WDPCP: variants seen among roughly 807,000 people sequenced by gnomAD.
WDPCP encodes WD repeat-containing and planar cell polarity effector protein fritz homolog.
In WDPCP, 71 loss-of-function variants were observed where a neutral mutation model predicts 93.1. That is an observed-to-expected ratio of 0.76 (90% CI 0.63 to 0.93). WDPCP has a LOEUF of 0.93. Ranked by LOEUF, WDPCP falls within the 40% of genes least tolerant of loss-of-function variation. The probability of loss-of-function intolerance (pLI) is 0.00; values close to 1 mark genes in which losing one functional copy is unlikely to be tolerated. For missense variants in WDPCP, 844 were observed against 887.4 expected (o/e 0.95, Z 0.62); for synonymous variants, 315 against 315.0 (o/e 1.00, Z 0.00).
intron 9 of WDPCP, among the ~76,000 whole-genome samples, chr2:63,422,608 ATTAC>A (rs1695951159): frequency 6.6e-6 from 1 of 152,144 alleles, no homozygotes; most frequent in African/African-American, 2.4e-5. Flanking sequence ...TAATTATAAT[ATTAC>A]CATTTTGCAA....
At chr2:63,508,998 C>A (rs1702057357) in intron 1 of WDPCP, among the ~76,000 whole-genome samples, 1 of 152,120 alleles carries the variant, frequency 6.6e-6, no homozygotes, top group African/African-American at 2.4e-5. Flanking sequence ...ACTTTAACAT[C>A]CCACTGTCAA....
chr2:63,703,953 G>C (rs1397465434), intron 2 of WDPCP, among the ~76,000 whole-genome samples: 3 of 152,120 alleles, frequency 2.0e-5, no homozygotes, highest in Admixed American at 6.5e-5. Context: ...TCTTCCATTT[G>C]TTTGTATCCT....
chr2:63,430,020 CACA>C (rs1558623801), intron 9 of WDPCP, among the ~76,000 whole-genome samples: 14 of 135,526 alleles, frequency 1.0e-4, no homozygotes, highest in African/African-American at 4.0e-4. Context: ...CACACACACA[CACA>C]CCATGAAATA....
intron 10 of WDPCP, among the ~76,000 whole-genome samples, chr2:63,389,317 A>T (rs560048521): frequency 6.6e-6 from 1 of 152,348 alleles, no homozygotes; most frequent in South Asian, 2.1e-4. Flanking sequence ...TAAGTGAAAA[A>T]GAAATAAAAT....
At chr2:63,801,415 G>A (rs1307431956) in intron 2 of WDPCP, among the ~76,000 whole-genome samples, 1 of 152,174 alleles carries the variant, frequency 6.6e-6, no homozygotes, top group Admixed American at 6.5e-5. Context: ...AAAGGTGGTA[G>A]GGAGGCAAAG....
At chr2:63,702,747 T>A (rs1303926616) in intron 2 of WDPCP, among the ~76,000 whole-genome samples, 2 of 151,554 alleles carry the variant, frequency 1.3e-5, no homozygotes, top group African/African-American at 2.4e-5. Flanking sequence ...ATACTTTAAG[T>A]TTTAGGGTAC....
chr2:63,555,456 C>A (rs555813367), intron 1 of WDPCP, among the ~76,000 whole-genome samples: 17 of 152,352 alleles, frequency 1.1e-4, no homozygotes, highest in Non-Finnish European at 1.6e-4. Flanking sequence ...AGTGGGATTC[C>A]CCCCAGTGCA....
Position 63,709,172 on chromosome 2 carries a change from G to A in WDPCP, n.309-58334C>T, listed in dbSNP as rs112059935. 7.5e-4 allele frequency among the ~76,000 whole-genome samples: 92 copies of A among 122,886 alleles called. 1 individual carries two copies. The highest frequency in any genetic ancestry group is 1.1e-3 in the East Asian group (5 of 4,664). 80.6% of individuals were successfully genotyped at this position (122,886 alleles called of 152,430 possible). On this transcript the variant is annotated intron_variant and non_coding_transcript_variant, in intron 2 of 4. Transcript: ENST00000467687. ...CACTTGAACCCTGGAGGTGTGACCC[G>A]GGCTTGGTGATGTATGCCTGTAATC... is the stretch of plus-strand genomic sequence containing the variant.
chr2:63,274,625 T>C (rs1682937005), intron 13 of WDPCP, among the ~76,000 whole-genome samples: 1 of 151,978 alleles, frequency 6.6e-6, no homozygotes, highest in Admixed American at 6.6e-5. Context: ...AAGGAGACAT[T>C]ACAACTGATA....
chr2:63,397,230 G>A (rs1693804649), intron 10 of WDPCP, among the ~76,000 whole-genome samples: 1 of 152,170 alleles, frequency 6.6e-6, no homozygotes, highest in Non-Finnish European at 1.5e-5. Flanking sequence ...ATAGGATTTG[G>A]TCACTAATTG....
rs1669521004 is a variant in WDPCP, at chr2:63,121,060, TAGAGCAATGTTA to T, written c.*934_*945del. ...ATGGATTCTCTGAGCCCTATTCCTA[TAGAGCAATGTTA>T]AGAGGGCTAGATGACACCTGCACAC... is the stretch of plus-strand genomic sequence containing the variant. On this transcript the variant is annotated 3_prime_UTR_variant, in exon 18 of 18. Transcript: ENST00000272321. 1.3e-5 allele frequency among the ~76,000 whole-genome samples: 2 copies of T among 152,200 alleles called. No homozygotes were observed. The highest frequency in any genetic ancestry group is 2.1e-4 in the South Asian group (1 of 4,820).
chr2:63,795,626 AAG>A (rs1229578624), intron 2 of WDPCP, among the ~76,000 whole-genome samples: 1 of 152,128 alleles, frequency 6.6e-6, no homozygotes, highest in Non-Finnish European at 1.5e-5. Flanking sequence ...AAGAGAAAGA[AAG>A]AAAAACACTG....
rs148657781 is a variant in WDPCP, at chr2:63,285,099, G to A, written c.1813-25690C>T. On this transcript the variant is annotated intron_variant, in intron 13 of 17. Coordinates refer to ENST00000272321, the MANE Select transcript of WDPCP (RefSeq NM_015910.7). ...AAAAATGAAATGACAGGTTTAAATC[G>A]AAATACATAATTACATTAAATGAAG... Among the ~76,000 whole-genome samples, 28 of 152,238 alleles carry A rather than the reference G, an allele frequency of 1.8e-4. 1 individual carries two copies. In the East Asian group the frequency reaches 4.6e-3, roughly 25 times the overall value.
At position 63,404,039 on chromosome 2, in the gene WDPCP, T is replaced by C; in HGVS notation, c.1435+9A>G. The stretch of plus-strand genomic sequence containing the variant: ...TTAATTTACTTACTCATCACTTTCC[T>C]TGACTTACCTAGTTTAAACAACAGC... On this transcript the variant is annotated intron_variant, in intron 10 of 17. Transcript: ENST00000272321. 1.9e-6 allele frequency: 3 copies of C among 1,614,060 alleles called. No individual in the cohort carries two copies. The highest frequency in any genetic ancestry group is 2.2e-5 in the East Asian group (1 of 44,882).
rs373174518 is a variant in WDPCP at position 63,818,111 on chromosome 2, G to A, written n.223-4404C>T. 5.9e-5 allele frequency among the ~76,000 whole-genome samples: 9 copies of A among 152,270 alleles called. No individual in the cohort carries two copies. The South Asian group carries it at 1.7e-3, about 28-fold the overall frequency. On this transcript the variant is annotated intron_variant and non_coding_transcript_variant, in intron 1 of 4. Transcript: ENST00000467687. ...CATTACAGAGTAATGAAAGAGAATT[G>A]GCGAGTAATGAAAGAGAATTGGCAA...
At chr2:63,313,430 T>C in intron 12 of WDPCP, 119 bp from the exon 13 acceptor site, 1 of 1,046,134 alleles carries the variant, frequency 9.6e-7, no homozygotes, top group Non-Finnish European at 1.4e-6. Context: ...AAAAATATTT[T>C]CAAACAGAAG....
intron 1 of WDPCP, among the ~76,000 whole-genome samples, chr2:63,559,610 C>T (rs78239995): frequency 6.6e-6 from 1 of 152,106 alleles, no homozygotes; most frequent in African/African-American, 2.4e-5. Context: ...AAAATCACAA[C>T]CATTCCTATA....
chr2:63,590,135 T>A (rs1422121178), upstream of WDPCP: 1 of 152,226 alleles, frequency 6.6e-6, no homozygotes, highest in Non-Finnish European at 1.5e-5. Context: ...AATTAGTCAT[T>A]TAAATTATGG....
intron 14 of WDPCP, among the ~76,000 whole-genome samples, chr2:63,246,918 T>C (rs764100950): frequency 6.6e-6 from 1 of 152,158 alleles, no homozygotes; most frequent in Non-Finnish European, 1.5e-5. Context: ...ATTATGATAA[T>C]AGTGATGATG....
Sources: gnomAD v4.1 joint callset for allele counts (sites outside exome capture counted in the v4.1 genomes callset) on GRCh38, gnomAD v4.1.1 for gene constraint, MANE v1.5 for transcripts, NCBI Gene and HGNC (gene_info 2026-07-23, HGNC 2026-07-21) for gene names.